The following KIF26B variants were observed in gnomAD, a reference collection of about 807,000 sequenced individuals.
KIF26B encodes kinesin-like protein KIF26B.
KIF26B carries 63 observed loss-of-function variants against 151.2 expected under a neutral mutation model. The ratio of observed to expected loss-of-function variants is 0.42; its 90% CI spans 0.34 to 0.51. KIF26B has a LOEUF of 0.51. Among genes scored for constraint, KIF26B ranks in the 20% least tolerant of loss-of-function variants. The pLI, the probability that KIF26B is intolerant of heterozygous loss-of-function variation, is 0.07. For synonymous variants in KIF26B, 1,357 were observed against 1,262.1 expected (o/e 1.08, Z -1.59); for missense variants, 2,813 against 2,913.6 (o/e 0.97, Z 0.79).
rs5782361 is a variant in KIF26B at position 245,624,283 on chromosome 1, GAA to G, written c.2098+12319_2098+12320del. 6.1e-3 allele frequency among the ~76,000 whole-genome samples: 881 copies of G among 144,360 alleles called. 8 individuals carry two copies. Among genetic ancestry groups the G allele is most frequent in the African/African-American group, 0.021 (819 of 39,334 alleles). The allele number at this position is 144,360 out of a possible 152,430, so 94.7% of individuals were successfully genotyped here. On this transcript the variant is annotated intron_variant, in intron 9 of 14. Transcript: ENST00000407071. Reference sequence around the variant, plus strand: ...ATCTTATCAATGTCTGGGAATATTTGAAAAAAAAAAAAAGAAAAACTGGAATG... The same window carrying G: ...ATCTTATCAATGTCTGGGAATATTTGAAAAAAAAAAAGAAAAACTGGAATG...
In KIF26B at chr1:245,560,609, G is replaced by A. The variant is rs947131740; in HGVS notation, c.1350+19659G>A. Among the ~76,000 whole-genome samples, 2 of 152,106 alleles carry A rather than the reference G, an allele frequency of 1.3e-5. No homozygotes were observed. The highest frequency in any genetic ancestry group is 4.8e-5 in the African/African-American group (2 of 41,410). Reference sequence around the variant, plus strand: ...GTGTGGAGGTTGAAAACATCTCAGCGCACTTCACGGAGGTTCTCAGAGACC... The same window carrying A: ...GTGTGGAGGTTGAAAACATCTCAGCACACTTCACGGAGGTTCTCAGAGACC... On this transcript the variant is annotated intron_variant, in intron 5 of 14. Transcript: ENST00000407071. This position sits in a 1 kb window ranked among gnomAD's most constrained non-coding sequence, Gnocchi z 4.3.
At chr1:245,519,195 A>G (rs1661033348) in intron 4 of KIF26B, among the ~76,000 whole-genome samples, 1 of 152,218 alleles carries the variant, frequency 6.6e-6, no homozygotes, top group Non-Finnish European at 1.5e-5. Flanking sequence ...ACAGATTTAT[A>G]CAGTCTCATT....
chr1:245,516,956 A>AC lies in KIF26B; in HGVS notation c.1167-23806dup, dbSNP rs1210670102. Among the ~76,000 whole-genome samples the AC allele has an allele frequency of 6.6e-6, 1 of 152,006 alleles. No homozygotes were observed. The highest frequency in any genetic ancestry group is 6.6e-5 in the Admixed American group (1 of 15,266). ...CCACAGCTCCACGGCTGCTGCTTTC[A>AC]CCCCCACCTGACCATGGTCGCAGTG... On this transcript the variant is annotated intron_variant, in intron 4 of 14. Coordinates refer to ENST00000407071, the MANE Select transcript of KIF26B (RefSeq NM_018012.4). This position sits in a 1 kb window ranked among gnomAD's most constrained non-coding sequence, Gnocchi z 4.2.
chr1:245,188,095 C>T (rs1187106579), intron 2 of KIF26B, among the ~76,000 whole-genome samples: 1 of 152,026 alleles, frequency 6.6e-6, no homozygotes, highest in East Asian at 1.9e-4. Context: ...GCTTAGCCGA[C>T]ATGGCAAAAC....
At position 245,698,328 on chromosome 1, in the gene KIF26B, A is replaced by G; in HGVS notation, c.6027+20A>G. The stretch of plus-strand genomic sequence containing the variant: ...AGCAAGGTGAGGCAGCCTCCTTCCC[A>G]CCCCCTGCCTACGTGGTGGCAGCTC... On this transcript the variant is annotated intron_variant, in intron 13 of 14. Transcript: ENST00000407071. This position sits in a 1 kb window ranked among gnomAD's most constrained non-coding sequence, Gnocchi z 4.0. 1 of 1,604,478 alleles carries G rather than the reference A, an allele frequency of 6.2e-7. No homozygotes were observed. The highest frequency in any genetic ancestry group is 8.5e-7 in the Non-Finnish European group (1 of 1,176,032).
intron 4 of KIF26B, among the ~76,000 whole-genome samples, chr1:245,493,898 G>T (rs1204259577): frequency 1.3e-5 from 2 of 152,192 alleles, no homozygotes; most frequent in African/African-American, 2.4e-5. Flanking sequence ...GGATACTCCA[G>T]TCGTTGTCCC....
intron 10 of KIF26B, among the ~76,000 whole-genome samples, chr1:245,661,479 A>T (rs2044137363): frequency 6.6e-6 from 1 of 151,862 alleles, no homozygotes; most frequent in African/African-American, 2.4e-5. Context: ...ACATACACTC[A>T]CATATATATG....
chr1:245,184,914 C>T (rs1668974190), intron 2 of KIF26B, among the ~76,000 whole-genome samples: 1 of 152,206 alleles, frequency 6.6e-6, no homozygotes, highest in African/African-American at 2.4e-5. Flanking sequence ...CTTGCTTGCA[C>T]TGCAGAAGTC....
Position 245,684,378 on chromosome 1 carries a change from A to G in KIF26B, c.2404A>G (p.Lys802Glu). ...IQIASRVLRM[K>E]KKKTKYTSSS... Reference sequence around the variant, plus strand: ...GATTGCATCGAGAGTCTTGAGGATGAAGAAAAAGAAGACGAAGGTAAGGAG... The same window carrying G: ...GATTGCATCGAGAGTCTTGAGGATGGAGAAAAAGAAGACGAAGGTAAGGAG... Residue 802 changes from lysine to glutamate, a missense_variant, in exon 11 of 15, where the codon AAG (lysine) becomes GAG (glutamate). Around this residue, in one of 3 missense-constraint regions of KIF26B, gnomAD observed 2,060 missense variants for 2,088.6 expected, o/e 0.99. Coordinates refer to ENST00000407071, the MANE Select transcript of KIF26B (RefSeq NM_018012.4). 1 of 1,610,818 alleles carries G rather than the reference A, an allele frequency of 6.2e-7. No homozygotes were observed. Among genetic ancestry groups the G allele is most frequent in the Non-Finnish European group, 8.5e-7 (1 of 1,177,972 alleles).
chr1:245,186,235 C>T lies in KIF26B; in HGVS notation c.465+29552C>T, dbSNP rs528501542. Among the ~76,000 whole-genome samples, 165 of 152,090 alleles carry T rather than the reference C, an allele frequency of 1.1e-3. 2 individuals carry two copies. The highest frequency in any genetic ancestry group is 2.7e-3 in the South Asian group (13 of 4,814). The stretch of plus-strand genomic sequence containing the variant: ...CTAATTTTCCAAATAACAGCCACAT[C>T]AACAGAATGCCCCCTTCGATGAGTC... On this transcript the variant is annotated intron_variant, in intron 2 of 14. Transcript: ENST00000407071.
intron 2 of KIF26B, among the ~76,000 whole-genome samples, chr1:245,204,654 G>A (rs905910565): frequency 2.0e-5 from 3 of 152,082 alleles, no homozygotes; most frequent in Admixed American, 6.5e-5. Context: ...GATTACAGGC[G>A]TGAGCCACCA....
intron 4 of KIF26B, among the ~76,000 whole-genome samples, chr1:245,464,575 GT>G (rs767374282): frequency 6.8e-6 from 1 of 146,166 alleles, no homozygotes; most frequent in South Asian, 2.2e-4. Context: ...GTGTGTGGGT[GT>G]GTGTGCACGT....
intron 5 of KIF26B, among the ~76,000 whole-genome samples, chr1:245,562,168 A>G (rs2042963061): frequency 6.6e-6 from 1 of 152,094 alleles, no homozygotes; most frequent in African/African-American, 2.4e-5. Context: ...CCCTTCAGAG[A>G]ACGAATTATG....
chr1:245,359,983 G>A (rs897211732), intron 2 of KIF26B, among the ~76,000 whole-genome samples: 7 of 148,636 alleles, frequency 4.7e-5, no homozygotes, highest in African/African-American at 1.8e-4. Context: ...AGTGATTCTC[G>A]TGCCTCAGCC....
At chr1:245,429,840 C>T (rs533821591) in intron 4 of KIF26B, among the ~76,000 whole-genome samples, 4 of 152,322 alleles carry the variant, frequency 2.6e-5, no homozygotes, top group Admixed American at 2.6e-4. Flanking sequence ...GTCTTGGACA[C>T]CTGACCTCAG....
At chr1:245,290,190 A>G (rs67461446) in intron 2 of KIF26B, among the ~76,000 whole-genome samples, 4 of 26,240 alleles carry the variant, frequency 1.5e-4, no homozygotes, top group African/African-American at 5.8e-4. Context: ...TGAATGAATG[A>G]ATGAATGAAT....
In KIF26B at chr1:245,367,718, A is replaced by T. The variant is rs1000042084; in HGVS notation, c.999+351A>T. 3.9e-5 allele frequency among the ~76,000 whole-genome samples: 6 copies of T among 152,266 alleles called. No individual in the cohort carries two copies. The South Asian group carries it at 1.2e-3, about 31-fold the overall frequency. ...AGAGCCATGAAGAGGTAGGCCACACAGATACTTGGACTGGGGTCCAAGCCC... is the reference window on the plus strand; with the variant it reads ...AGAGCCATGAAGAGGTAGGCCACACTGATACTTGGACTGGGGTCCAAGCCC... On this transcript the variant is annotated intron_variant, in intron 3 of 14. Transcript: ENST00000407071. This position sits in a 1 kb window ranked among gnomAD's most constrained non-coding sequence, Gnocchi z 4.2.
chr1:245,577,795 G>A (rs1045607050), intron 5 of KIF26B, among the ~76,000 whole-genome samples: 11 of 148,608 alleles, frequency 7.4e-5, no homozygotes, highest in African/African-American at 2.7e-4. Flanking sequence ...TCCCCTCACC[G>A]GAAGAGCTTT....
At chr1:245,165,298 A>G (rs1423424909) in intron 2 of KIF26B, among the ~76,000 whole-genome samples, 1 of 152,174 alleles carries the variant, frequency 6.6e-6, no homozygotes, top group Non-Finnish European at 1.5e-5. Flanking sequence ...GGGAGAAAAG[A>G]TGATGCATTC....
Sources: gnomAD v4.1 joint callset for allele counts (sites outside exome capture counted in the v4.1 genomes callset) on GRCh38, gnomAD v4.1.1 for gene constraint, gnomAD v4.1.1 regional missense constraint, Gnocchi (gnomAD v3.1) non-coding constraint, MANE v1.5 for transcripts, NCBI Gene and HGNC (gene_info 2026-07-23, HGNC 2026-07-21) for gene names.